USH2A: variants seen among roughly 807,000 people sequenced by gnomAD.
USH2A encodes Usher syndrome 2A (autosomal recessive, mild).
In USH2A, 443 loss-of-function variants were observed where a neutral mutation model predicts 538.9. That is an observed-to-expected ratio of 0.82 (90% confidence interval 0.76 to 0.89). The LOEUF is 0.89. USH2A is among the 40% of genes least tolerant of loss of function. The pLI is 0.00. For missense variants in USH2A, 6,633 were observed against 6,324.8 expected (o/e 1.05, Z -1.65); for synonymous variants, 2,413 against 2,273.5 (o/e 1.06, Z -1.75).
chr1:215,959,880 A>G (rs1667155191), intron 37 of USH2A, among the ~76,000 whole-genome samples: 1 of 152,150 alleles, frequency 6.6e-6, no homozygotes, highest in African/African-American at 2.4e-5. Flanking sequence ...ATCTGTCAGG[A>G]TATCAAGCAA....
chr1:216,054,306 T>C (rs2102531940), intron 30 of USH2A, among the ~76,000 whole-genome samples: 1 of 152,260 alleles, frequency 6.6e-6, no homozygotes, highest in East Asian at 1.9e-4. Context: ...TCCAACACTC[T>C]CTTTCCTTTG....
Position 216,231,969 on chromosome 1 carries a change from C to T in USH2A, c.2977G>A (p.Asp993Asn). 6.2e-7 allele frequency: 1 copy of T among 1,613,950 alleles called. No homozygotes were observed. The highest frequency in any genetic ancestry group is 8.5e-7 in the Non-Finnish European group (1 of 1,179,856). The change falls in exon 14 of 72, where the codon GAT (aspartate) becomes AAT (asparagine). Residue 993 changes from aspartate to asparagine, a missense_variant. By Grantham distance (23) the Asp-to-Asn change is conservative. Coordinates refer to ENST00000307340, the MANE Select transcript of USH2A (RefSeq NM_206933.4). Reference sequence around the variant, plus strand: ...AAGATGTACCTTCCAGTCTGAGGATCAAATCCAAAGTAATGGTCTTTGCAT... The same window carrying T: ...AAGATGTACCTTCCAGTCTGAGGATTAAATCCAAAGTAATGGTCTTTGCAT... ...DQCKDHYFGFDPQTGRCQPCN... is the reference protein window; with the variant it reads ...DQCKDHYFGFNPQTGRCQPCN...
At chr1:215,678,151 C>G (rs960578805) in intron 62 of USH2A, among the ~76,000 whole-genome samples, 1 of 152,214 alleles carries the variant, frequency 6.6e-6, no homozygotes, top group African/African-American at 2.4e-5. Context: ...TAATAGTTCT[C>G]AAACTCCATT....
intron 21 of USH2A, among the ~76,000 whole-genome samples, chr1:216,171,168 A>ACAATTTATT (rs1263161245): frequency 2.0e-5 from 3 of 152,036 alleles, no homozygotes; most frequent in Non-Finnish European, 4.4e-5. Context: ...ATTATAGAAA[A>ACAATTTATT]CAATTTATTT....
At chr1:216,374,033 C>T (rs2038766737) in intron 3 of USH2A, among the ~76,000 whole-genome samples, 1 of 140,610 alleles carries the variant, frequency 7.1e-6, no homozygotes, top group Admixed American at 8.0e-5. Context: ...TGTTCTCACT[C>T]ATAGGTGGGA....
chr1:215,680,492 C>T (rs1009663367), intron 61 of USH2A, 116 bp from the exon 62 acceptor site: 2 of 962,532 alleles, frequency 2.1e-6, no homozygotes, highest in Non-Finnish European at 1.6e-6. Context: ...GCAGCGCAAA[C>T]ACTACAGCAG....
At chr1:215,650,447 A>G (rs1316730898) in intron 65 of USH2A, 145 bp downstream of exon 65, 1 of 952,246 alleles carries the variant, frequency 1.1e-6, no homozygotes, top group Non-Finnish European at 1.6e-6. Context: ...TCTGAGGGAT[A>G]TTTGTGCTAC....
intron 36 of USH2A, among the ~76,000 whole-genome samples, chr1:215,968,329 G>T (rs1325520): frequency 0.048 from 7,245 of 151,526 alleles, 260 homozygotes; most frequent in African/African-American, 0.1. Flanking sequence ...ATCATTGTGG[G>T]TTTTTTTTGT....
rs939382786 is a variant in USH2A at position 216,039,074 on chromosome 1, G to A, written c.6325+7357C>T. Among the ~76,000 whole-genome samples, 4 of 152,086 alleles carry A rather than the reference G, an allele frequency of 2.6e-5. No individual in the cohort carries two copies. The South Asian group carries it at 6.2e-4, about 24-fold the overall frequency. On this transcript the variant is annotated intron_variant, in intron 32 of 71. Coordinates refer to ENST00000307340, the MANE Select transcript of USH2A (RefSeq NM_206933.4). ...TATAGAAGCACCTTAATGGAAGAAC[G>A]ACACTTAGGTTGTATTGTTTACAGC... is the stretch of plus-strand genomic sequence containing the variant.
chr1:216,319,991 G>T (rs1262657701), intron 9 of USH2A, among the ~76,000 whole-genome samples: 1 of 152,176 alleles, frequency 6.6e-6, no homozygotes, highest in African/African-American at 2.4e-5. Flanking sequence ...ATGAGACAGT[G>T]CTACCATCTG....
chr1:215,871,177 C>A (rs1005290919), intron 43 of USH2A, among the ~76,000 whole-genome samples: 10 of 152,152 alleles, frequency 6.6e-5, no homozygotes, highest in African/African-American at 2.4e-4. Context: ...CTCCTCCACT[C>A]CCCAAACAGC....
intron 21 of USH2A, among the ~76,000 whole-genome samples, chr1:216,170,353 G>C (rs1252144811): frequency 6.6e-6 from 1 of 152,062 alleles, no homozygotes; most frequent in Non-Finnish European, 1.5e-5. Flanking sequence ...AAAAATGTAT[G>C]ACAATCATTT....
intron 35 of USH2A, among the ~76,000 whole-genome samples, chr1:215,974,518 G>C (rs577247209): frequency 1.3e-5 from 2 of 152,118 alleles, no homozygotes; most frequent in African/African-American, 4.8e-5. Context: ...TTAATCCTCA[G>C]GGTCTATTGT....
Position 216,277,474 on chromosome 1 carries a change from C to T in USH2A, c.1971+11806G>A, listed in dbSNP as rs78381379. On this transcript the variant is annotated intron_variant, in intron 11 of 71. Coordinates refer to ENST00000307340, the MANE Select transcript of USH2A (RefSeq NM_206933.4). ...CCCACCAATATTAATGGCTTGGCAC[C>T]CCTGAGATGCTCATGGGGTACTCTA... 9.8e-3 allele frequency among the ~76,000 whole-genome samples: 1,493 copies of T among 152,148 alleles called. 24 individuals carry two copies. Among genetic ancestry groups the T allele is most frequent in the African/African-American group, 0.034 (1,424 of 41,504 alleles).
intron 34 of USH2A, among the ~76,000 whole-genome samples, chr1:215,997,889 G>A (rs909409174): frequency 6.6e-6 from 1 of 152,074 alleles, no homozygotes; most frequent in Non-Finnish European, 1.5e-5. Context: ...GAACACCTAG[G>A]CACATGGAGT....
At chr1:215,918,879 C>G (rs1026832483) in intron 38 of USH2A, among the ~76,000 whole-genome samples, 1 of 151,954 alleles carries the variant, frequency 6.6e-6, no homozygotes, top group African/African-American at 2.4e-5. Flanking sequence ...AAATTATTAT[C>G]CAGTATAGCA....
chr1:216,312,167 G>A (rs1371086407), intron 9 of USH2A, among the ~76,000 whole-genome samples: 2 of 150,014 alleles, frequency 1.3e-5, no homozygotes, highest in African/African-American at 4.9e-5. Context: ...CAGAATTCTA[G>A]GTGGATTTTT....
chr1:215,929,638 A>G (rs1666316303), intron 38 of USH2A, among the ~76,000 whole-genome samples: 1 of 152,056 alleles, frequency 6.6e-6, no homozygotes, highest in Admixed American at 6.6e-5. Flanking sequence ...GGAAGCACCA[A>G]ATGTTTACCA....
At chr1:215,934,102 A>G (rs569353364) in intron 38 of USH2A, among the ~76,000 whole-genome samples, 87 of 152,148 alleles carry the variant, frequency 5.7e-4, no homozygotes, top group Middle Eastern at 3.4e-3. Flanking sequence ...AGGATCAGGA[A>G]TTTAAAGGTG....
Sources: gnomAD v4.1 joint callset for allele counts (sites outside exome capture counted in the v4.1 genomes callset) on GRCh38, gnomAD v4.1.1 for gene constraint, MANE v1.5 for transcripts, NCBI Gene and HGNC (gene_info 2026-07-23, HGNC 2026-07-21) for gene names.